The following C6orf47 variants were observed in gnomAD, a reference collection of about 807,000 sequenced individuals.
C6orf47 encodes chromosome 6 open reading frame 47.
In C6orf47, 1 loss-of-function variant was observed where a neutral mutation model predicts 5.6. The ratio of observed to expected loss-of-function variants is 0.18; its 90% confidence interval spans 0.06 to 0.85. The LOEUF (loss-of-function observed/expected upper bound fraction) is 0.85. C6orf47 is among the 40% of genes least tolerant of loss of function. The pLI, the probability that C6orf47 is intolerant of heterozygous loss-of-function variation, is 0.70. For missense variants in C6orf47, 323 were observed against 367.1 expected, an observed-to-expected ratio of 0.88 and a Z score of 0.98; for synonymous variants, 149 against 161.7, an observed-to-expected ratio of 0.92 and a Z score of 0.60.
chr6:31,659,299 G>A lies in C6orf47; in HGVS notation c.649C>T (p.Leu217Phe). The A allele has an allele frequency of 1.2e-6, 2 of 1,613,094 alleles. No individual in the cohort carries two copies. The highest frequency in any genetic ancestry group is 1.7e-6 in the Non-Finnish European group (2 of 1,180,012). The change falls in exon 1 of 1, where the codon CTC (leucine) becomes TTC (phenylalanine). Residue 217 changes from leucine (L) to phenylalanine (F), a missense_variant. Leu to Phe is a conservative substitution (Grantham distance 22). Coordinates refer to ENST00000375911, the MANE Select transcript of C6orf47 (RefSeq NM_021184.4). The surrounding 1 kb of genome is among the most constrained non-coding windows in gnomAD (Gnocchi z 5.6). Reference sequence around the variant, plus strand: ...AAGGACAGTAGGCCATGTAGCCAGAGGCCCAGCGGTCCACGCAGGCCCAGT... The same window carrying A: ...AAGGACAGTAGGCCATGTAGCCAGAAGCCCAGCGGTCCACGCAGGCCCAGT... Reference protein sequence around the residue: ...DTLGLRGPLGLWLHGLLSFLA... With the variant: ...DTLGLRGPLGFWLHGLLSFLA...
In C6orf47 at chr6:31,659,828, TC is replaced by T. The variant is rs773366379; in HGVS notation, c.119del (p.Gly40GlufsTer25). The T allele has an allele frequency of 1.2e-6, 2 of 1,613,004 alleles. No individual in the cohort carries two copies. The highest frequency in any genetic ancestry group is 1.1e-5 in the South Asian group (1 of 91,066). On this transcript the variant is annotated frameshift_variant, in exon 1 of 1. Transcript: ENST00000375911. LOFTEE classifies it low-confidence loss of function (END_TRUNC). This position sits in a 1 kb window ranked among gnomAD's most constrained non-coding sequence, Gnocchi z 5.6. The part of the protein sequence containing the change: ...RRVDSSSENS[G>X]SDWDSAPETM... Reference sequence around the variant, plus strand: ...TTTCTGGGGCACTATCCCAGTCACTTCCTGAATTCTCCGAGGAGCTGTCCAC... The same window carrying T: ...TTTCTGGGGCACTATCCCAGTCACTTCTGAATTCTCCGAGGAGCTGTCCAC...
chr6:31,660,120 A>ACAT lies in C6orf47; in HGVS notation c.-174_-173insATG. 2 of 788,208 alleles carry ACAT rather than the reference A, an allele frequency of 2.5e-6. No homozygotes were observed. The highest frequency in any genetic ancestry group is 4.0e-6 in the Non-Finnish European group (2 of 500,920). 48.8% of individuals were successfully genotyped at this position (788,208 alleles called of 1,614,324 possible). A position where few individuals can be genotyped will look rare whatever the true frequency, so the allele number is the denominator to read the frequency against. On this transcript the variant is annotated 5_prime_UTR_variant, in exon 1 of 1. It adds an upstream start codon to the 5' untranslated region. Coordinates refer to ENST00000375911, the MANE Select transcript of C6orf47 (RefSeq NM_021184.4). This position sits in a 1 kb window ranked among gnomAD's most constrained non-coding sequence, Gnocchi z 4.7. ...TCCTCCCTTCTCTGAATAGTCATGC[A>ACAT]GCCTCAAGTGTGGCAAGTAGTTTGC...
At position 31,660,011 on chromosome 6, in the gene C6orf47, G is replaced by A; in HGVS notation, c.-64C>T. The A allele has an allele frequency of 6.8e-7, 1 of 1,477,450 alleles. No individual in the cohort carries two copies. Among genetic ancestry groups the A allele is most frequent in the Non-Finnish European group, 9.0e-7 (1 of 1,110,378 alleles). 91.5% of individuals were successfully genotyped at this position (1,477,450 alleles called of 1,614,324 possible). ...CTTCCTGGCACTACTCAGACTCTCA[G>A]GATCTCCTCAGAAGCCAGAGTCTTT... On this transcript the variant is annotated 5_prime_UTR_variant, in exon 1 of 1. Transcript: ENST00000375911. The surrounding 1 kb of genome is among the most constrained non-coding windows in gnomAD (Gnocchi z 4.7).
In C6orf47 at chr6:31,658,639, AG is replaced by A; in HGVS notation, c.*423del. On this transcript the variant is annotated 3_prime_UTR_variant, in exon 1 of 1. Coordinates refer to ENST00000375911, the MANE Select transcript of C6orf47 (RefSeq NM_021184.4). ...TCGATGGCTCAGATCCTGAGATCCA[AG>A]GAACACCCTGGGTTTCCCAACCACT... is the stretch of plus-strand genomic sequence containing the variant. 4.9e-6 allele frequency: 1 copy of A among 204,050 alleles called. No individual in the cohort carries two copies. The highest frequency in any genetic ancestry group is 9.8e-6 in the Non-Finnish European group (1 of 101,802). The allele number at this position is 204,050 out of a possible 1,614,324, so 12.6% of individuals were successfully genotyped here.
In C6orf47 at chr6:31,660,426, T is replaced by G. The variant is rs1315043030; in HGVS notation, c.-479A>C. 1.1e-5 allele frequency: 2 copies of G among 181,434 alleles called. No homozygotes were observed. The highest frequency in any genetic ancestry group is 2.6e-5 in the Non-Finnish European group (2 of 78,088). The allele number at this position is 181,434 out of a possible 1,614,324, so 11.2% of individuals were successfully genotyped here. ...TCCTAGGTGCTCCTGGATCGTGTAGTCTTTAACTGCTGCCCCAAGGGACCT... is the reference window on the plus strand; with the variant it reads ...TCCTAGGTGCTCCTGGATCGTGTAGGCTTTAACTGCTGCCCCAAGGGACCT... On this transcript the variant is annotated 5_prime_UTR_variant, in exon 1 of 1. Coordinates refer to ENST00000375911, the MANE Select transcript of C6orf47 (RefSeq NM_021184.4). This position sits in a 1 kb window ranked among gnomAD's most constrained non-coding sequence, Gnocchi z 4.7.
Position 31,660,108 on chromosome 6 carries a change from G to T in C6orf47, c.-161C>A. On this transcript the variant is annotated 5_prime_UTR_variant, in exon 1 of 1. It introduces an in-frame stop codon into an upstream open reading frame of the 5' UTR. Coordinates refer to ENST00000375911, the MANE Select transcript of C6orf47 (RefSeq NM_021184.4). The surrounding 1 kb of genome is among the most constrained non-coding windows in gnomAD (Gnocchi z 4.7). ...TTCAGAAGTGGCTCCTCCCTTCTCT[G>T]AATAGTCATGCAGCCTCAAGTGTGG... 1.2e-6 allele frequency: 1 copy of T among 844,068 alleles called. No individual in the cohort carries two copies. Among genetic ancestry groups the T allele is most frequent in the Non-Finnish European group, 1.8e-6 (1 of 549,848 alleles). 52.3% of individuals were successfully genotyped at this position (844,068 alleles called of 1,614,324 possible). A position where few individuals can be genotyped will look rare whatever the true frequency, so the allele number is the denominator to read the frequency against.
Position 31,659,692 on chromosome 6 carries a change from T to G in C6orf47, c.256A>C (p.Lys86Gln). ...EEPQVEQLGS[K>Q]RMDSLKWDQP... The stretch of plus-strand genomic sequence containing the variant: ...TCCCACTTGAGGGAATCCATTCTTT[T>G]GCTCCCTAGCTGCTCAACTTGGGGC... Residue 86 changes from lysine to glutamine, a missense_variant, in exon 1 of 1, where the codon AAA becomes CAA. Transcript: ENST00000375911. This position sits in a 1 kb window ranked among gnomAD's most constrained non-coding sequence, Gnocchi z 5.6. The G allele has an allele frequency of 6.2e-7, 1 of 1,613,104 alleles. No homozygotes were observed.
At position 31,659,663 on chromosome 6, in the gene C6orf47, C is replaced by G; in HGVS notation, c.285G>C (p.Gln95His). Residue 95 changes from glutamine (Q) to histidine (H), a missense_variant, in exon 1 of 1, where the codon CAG (glutamine) becomes CAC (histidine). Transcript: ENST00000375911. This position sits in a 1 kb window ranked among gnomAD's most constrained non-coding sequence, Gnocchi z 5.6. ...SKRMDSLKWD[Q>H]PISSTQESGR... ...CAGACTCTTGAGTGCTAGAGATAGG[C>G]TGGTCCCACTTGAGGGAATCCATTC... The G allele has an allele frequency of 3.7e-6, 6 of 1,613,064 alleles. No homozygotes were observed. The highest frequency in any genetic ancestry group is 4.2e-6 in the Non-Finnish European group (5 of 1,180,026).
chr6:31,658,521 C>T lies in C6orf47; in HGVS notation c.*542G>A, dbSNP rs529087659. 2 of 217,134 alleles carry T rather than the reference C, an allele frequency of 9.2e-6. No homozygotes were observed. The highest frequency in any genetic ancestry group is 2.3e-4 in the East Asian group (2 of 8,728). 13.5% of individuals were successfully genotyped at this position (217,134 alleles called of 1,614,324 possible). On this transcript the variant is annotated 3_prime_UTR_variant, in exon 1 of 1. Coordinates refer to ENST00000375911, the MANE Select transcript of C6orf47 (RefSeq NM_021184.4). ...CACTGTCCCCACTCCCTCTGGCTCC[C>T]ATGATCACCAGATCCGCCCTGCAGG...
rs2151151618 is a variant in C6orf47, at chr6:31,659,339, C to T, written c.609G>A (p.Arg203=). ...GCAGGCCCAGTGTGTCCAAGGCTGCCCGCAGTGGTCGTGAGCACAGGGCCA... is the reference window on the plus strand; with the variant it reads ...GCAGGCCCAGTGTGTCCAAGGCTGCTCGCAGTGGTCGTGAGCACAGGGCCA... ...ALLALCSRPL[R]AALDTLGLRG... Residue 203 remains arginine (R), a synonymous_variant, in exon 1 of 1, where the codon CGG becomes CGA. Coordinates refer to ENST00000375911, the MANE Select transcript of C6orf47 (RefSeq NM_021184.4). The surrounding 1 kb of genome is among the most constrained non-coding windows in gnomAD (Gnocchi z 5.6). 9 of 1,613,092 alleles carry T rather than the reference C, an allele frequency of 5.6e-6. No individual in the cohort carries two copies. The highest frequency in any genetic ancestry group is 2.2e-5 in the East Asian group (1 of 44,892).
rs1234241780 is a variant in C6orf47, at chr6:31,660,027, CAG to C, written c.-82_-81del. 4.2e-6 allele frequency: 6 copies of C among 1,441,150 alleles called. No homozygotes were observed. The highest frequency in any genetic ancestry group is 1.4e-5 in the African/African-American group (1 of 69,580). 89.3% of individuals were successfully genotyped at this position (1,441,150 alleles called of 1,614,324 possible). A position where few individuals can be genotyped will look rare whatever the true frequency, so the allele number is the denominator to read the frequency against. On this transcript the variant is annotated 5_prime_UTR_variant, in exon 1 of 1. The change abolishes the stop of an existing upstream ORF in the 5' untranslated region. Transcript: ENST00000375911. The surrounding 1 kb of genome is among the most constrained non-coding windows in gnomAD (Gnocchi z 4.7). ...AGACTCTCAGGATCTCCTCAGAAGC[CAG>C]AGTCTTTCTGGCTCAGAACAGGTAT...
rs1387193286 is a variant in C6orf47 at position 31,659,911 on chromosome 6, G to A, written c.37C>T (p.Pro13Ser). 1 of 1,593,700 alleles carries A rather than the reference G, an allele frequency of 6.3e-7. No individual in the cohort carries two copies. The highest frequency in any genetic ancestry group is 8.6e-7 in the Non-Finnish European group (1 of 1,169,476). ...LRRLGGWLPR[P>S]WGRRKPMRPD... ...CTCATTGGTTTCCGGCGGCCCCAAG[G>A]GCGAGGTAGCCAGCCACCAAGCCGT... Residue 13 changes from proline to serine, a missense_variant, in exon 1 of 1, where the codon CCT (proline) becomes TCT (serine). Coordinates refer to ENST00000375911, the MANE Select transcript of C6orf47 (RefSeq NM_021184.4). This position sits in a 1 kb window ranked among gnomAD's most constrained non-coding sequence, Gnocchi z 5.6.
chr6:31,659,021 C>T lies in C6orf47; in HGVS notation c.*42G>A, dbSNP rs1482294820. The T allele has an allele frequency of 1.3e-6, 2 of 1,578,792 alleles. No homozygotes were observed. Among genetic ancestry groups the T allele is most frequent in the East Asian group, 2.3e-5 (1 of 44,426 alleles). ...TTGGGTCATGCCTCACACTTTTCTC[C>T]TAAAGCCCACACTCTCTTCACCCTT... On this transcript the variant is annotated 3_prime_UTR_variant, in exon 1 of 1. Coordinates refer to ENST00000375911, the MANE Select transcript of C6orf47 (RefSeq NM_021184.4). The surrounding 1 kb of genome is among the most constrained non-coding windows in gnomAD (Gnocchi z 5.6).
rs1199129645 is a variant in C6orf47, at chr6:31,660,142, T to C, written c.-195A>G. On this transcript the variant is annotated 5_prime_UTR_variant, in exon 1 of 1. Coordinates refer to ENST00000375911, the MANE Select transcript of C6orf47 (RefSeq NM_021184.4). This position sits in a 1 kb window ranked among gnomAD's most constrained non-coding sequence, Gnocchi z 4.7. ...TGCAGCCTCAAGTGTGGCAAGTAGT[T>C]TGCTTCCTCTTCAGTTCTGGGGTAA... is the stretch of plus-strand genomic sequence containing the variant. 3 of 667,012 alleles carry C rather than the reference T, an allele frequency of 4.5e-6. No homozygotes were observed. The highest frequency in any genetic ancestry group is 7.6e-6 in the Non-Finnish European group (3 of 395,758). The allele number at this position is 667,012 out of a possible 1,614,324, so 41.3% of individuals were successfully genotyped here. A position where few individuals can be genotyped will look rare whatever the true frequency, so the allele number is the denominator to read the frequency against.
Position 31,659,644 on chromosome 6 carries a change from C to G in C6orf47, c.304G>C (p.Glu102Gln), listed in dbSNP as rs778823812. ...CCTCCAGCCTCCAGTCTCCCAGACT[C>G]TTGAGTGCTAGAGATAGGCTGGTCC... ...KWDQPISSTQ[E>Q]SGRLEAGGAS... Residue 102 changes from glutamate (E) to glutamine (Q), a missense_variant, in exon 1 of 1, where the codon GAG (glutamate) becomes CAG (glutamine). Transcript: ENST00000375911. This position sits in a 1 kb window ranked among gnomAD's most constrained non-coding sequence, Gnocchi z 5.6. 1.2e-6 allele frequency: 2 copies of G among 1,612,922 alleles called. No individual in the cohort carries two copies. Among genetic ancestry groups the G allele is most frequent in the Non-Finnish European group, 1.7e-6 (2 of 1,180,026 alleles).
In C6orf47 at chr6:31,659,636, C is replaced by T; in HGVS notation, c.312G>A (p.Gly104=). The part of the protein sequence containing the change: ...DQPISSTQES[G]RLEAGGASPK... ...GACTGGCCCCTCCAGCCTCCAGTCT[C>T]CCAGACTCTTGAGTGCTAGAGATAG... The change falls in exon 1 of 1, where the codon GGG becomes GGA. Residue 104 remains glycine, a synonymous_variant. Coordinates refer to ENST00000375911, the MANE Select transcript of C6orf47 (RefSeq NM_021184.4). This position sits in a 1 kb window ranked among gnomAD's most constrained non-coding sequence, Gnocchi z 5.6. 1 of 1,613,074 alleles carries T rather than the reference C, an allele frequency of 6.2e-7. No individual in the cohort carries two copies. Among genetic ancestry groups the T allele is most frequent in the South Asian group, 1.1e-5 (1 of 91,082 alleles).
Position 31,658,803 on chromosome 6 carries a change from GA to G in C6orf47, c.*259del, listed in dbSNP as rs35131358. On this transcript the variant is annotated 3_prime_UTR_variant, in exon 1 of 1. Coordinates refer to ENST00000375911, the MANE Select transcript of C6orf47 (RefSeq NM_021184.4). ...TTTTTGCTTTTAAAAAGTGGAGGTG[GA>G]AAAAAAAAAAAAACTGAAGGTGGGA... 4,474 of 325,488 alleles carry G rather than the reference GA, an allele frequency of 0.014. 4 individuals are homozygous for G. Among genetic ancestry groups the G allele is most frequent in the African/African-American group, 0.018 (749 of 40,936 alleles). The allele number at this position is 325,488 out of a possible 1,614,324, so 20.2% of individuals were successfully genotyped here.
Position 31,658,526 on chromosome 6 carries a change from TCAC to T in C6orf47, c.*534_*536del, listed in dbSNP as rs1800397694. 4.7e-6 allele frequency: 1 copy of T among 213,846 alleles called. No homozygotes were observed. Among genetic ancestry groups the T allele is most frequent in the Admixed American group, 5.3e-5 (1 of 18,898 alleles). 13.2% of individuals were successfully genotyped at this position (213,846 alleles called of 1,614,324 possible). ...TCCCCACTCCCTCTGGCTCCCATGATCACCAGATCCGCCCTGCAGGCTCCCTGT... is the reference window on the plus strand; with the variant it reads ...TCCCCACTCCCTCTGGCTCCCATGATCAGATCCGCCCTGCAGGCTCCCTGT... On this transcript the variant is annotated 3_prime_UTR_variant, in exon 1 of 1. Transcript: ENST00000375911.
chr6:31,658,972 C>G lies in C6orf47; in HGVS notation c.*91G>C. 6.9e-7 allele frequency: 1 copy of G among 1,459,212 alleles called. No homozygotes were observed. The highest frequency in any genetic ancestry group is 9.3e-7 in the Non-Finnish European group (1 of 1,071,354). The allele number at this position is 1,459,212 out of a possible 1,614,324, so 90.4% of individuals were successfully genotyped here. A position where few individuals can be genotyped will look rare whatever the true frequency, so the allele number is the denominator to read the frequency against. ...CCTCGTACTCGGGTTTCTTCCCCAT[C>G]CCTGAGGTCCCTATGCTTACAATTT... On this transcript the variant is annotated 3_prime_UTR_variant, in exon 1 of 1. Coordinates refer to ENST00000375911, the MANE Select transcript of C6orf47 (RefSeq NM_021184.4).
Sources: allele counts gnomAD v4.1 joint callset, GRCh38; gene constraint gnomAD v4.1.1; non-coding constraint Gnocchi (gnomAD v3.1); transcripts MANE v1.5; gene names NCBI Gene and HGNC (gene_info 2026-07-23, HGNC 2026-07-21).